Variants in ATP8A2 observed in about 807,000 individuals in gnomAD.
ATP8A2 encodes the protein phospholipid-transporting ATPase IB.
A neutral mutation model predicts 165.6 loss-of-function variants in ATP8A2; 100 were observed. That is an observed-to-expected ratio of 0.60 (90% CI 0.51 to 0.71). ATP8A2 has a LOEUF of 0.71. Among genes scored for constraint, ATP8A2 ranks in the 30% least tolerant of loss-of-function variants. The probability of loss-of-function intolerance (pLI) is 0.00; values close to 1 mark genes in which losing one functional copy is unlikely to be tolerated. For missense variants in ATP8A2, 1,227 were observed against 1,479.5 expected (o/e 0.83, Z 2.80); for synonymous variants, 543 against 548.8 (o/e 0.99, Z 0.15).
intron 2 of ATP8A2, among the ~76,000 whole-genome samples, chr13:25,486,545 AAG>A (rs1026292314): frequency 4.0e-4 from 61 of 152,274 alleles, no homozygotes; most frequent in African/African-American, 1.4e-3. Flanking sequence ...GAAAAAAATG[AAG>A]AGAGTCTGAA....
intron 33 of ATP8A2, among the ~76,000 whole-genome samples, chr13:25,882,950 ATGATGG>A (rs1461205357): frequency 3.3e-5 from 5 of 151,076 alleles, no homozygotes; most frequent in South Asian, 2.1e-4. Context: ...GGTGATGGTG[ATGATGG>A]TGATGGTGAT....
At chr13:25,399,896 T>TATTCTTCTCCTC (rs1555264991) in intron 1 of ATP8A2, among the ~76,000 whole-genome samples, 3 of 37,010 alleles carry the variant, frequency 8.1e-5, no homozygotes, top group African/African-American at 2.5e-4. Flanking sequence ...CTCCTCCTCC[T>TATTCTTCTCCTC]CTTATTCTTC....
At chr13:25,876,845 T>C (rs935898453) in intron 33 of ATP8A2, among the ~76,000 whole-genome samples, 1 of 152,150 alleles carries the variant, frequency 6.6e-6, no homozygotes, top group African/African-American at 2.4e-5. Context: ...AATATTGCAT[T>C]GGGGCATTGT....
At chr13:25,786,802 G>T (rs1270738815) in intron 27 of ATP8A2, among the ~76,000 whole-genome samples, 2 of 147,670 alleles carry the variant, frequency 1.4e-5, no homozygotes, top group African/African-American at 5.0e-5. Context: ...GGTTGCCCAG[G>T]CTGGAGTGCA....
chr13:25,506,304 G>A (rs1461837689), intron 2 of ATP8A2, among the ~76,000 whole-genome samples: 3 of 151,976 alleles, frequency 2.0e-5, no homozygotes, highest in African/African-American at 7.3e-5. Flanking sequence ...TGCTTTTTTT[G>A]TCATGCCTCA....
intron 2 of ATP8A2, among the ~76,000 whole-genome samples, chr13:25,502,368 C>T (rs999833985): frequency 1.3e-5 from 2 of 152,212 alleles, no homozygotes; most frequent in Non-Finnish European, 2.9e-5. Context: ...ATAACCTCAT[C>T]ATCATGTCAT....
At chr13:25,940,114 G>A (rs535168927) in intron 33 of ATP8A2, among the ~76,000 whole-genome samples, 30 of 152,210 alleles carry the variant, frequency 2.0e-4, no homozygotes, top group African/African-American at 7.0e-4. Flanking sequence ...TGGCAGTTGG[G>A]CTCTCCTTTG....
chr13:25,960,525 A>G (rs982977731), intron 33 of ATP8A2, among the ~76,000 whole-genome samples: 1 of 152,104 alleles, frequency 6.6e-6, no homozygotes, highest in African/African-American at 2.4e-5. Flanking sequence ...GGCCTCCAGA[A>G]AAGAAATCCG....
chr13:25,578,233 T>C (rs1274665697), intron 20 of ATP8A2, among the ~76,000 whole-genome samples: 2 of 152,198 alleles, frequency 1.3e-5, no homozygotes, highest in Non-Finnish European at 2.9e-5. Flanking sequence ...AAAAAAATTT[T>C]TGTAATAGCC....
At chr13:25,429,355 C>A (rs1254726166) in intron 1 of ATP8A2, among the ~76,000 whole-genome samples, 5 of 129,010 alleles carry the variant, frequency 3.9e-5, no homozygotes, top group African/African-American at 9.5e-5. Context: ...GGGCCCATAA[C>A]AGTGTGACTC....
intron 35 of ATP8A2, among the ~76,000 whole-genome samples, chr13:25,999,351 C>T (rs1340222283): frequency 1.3e-5 from 2 of 152,164 alleles, no homozygotes; most frequent in African/African-American, 4.8e-5. Flanking sequence ...TGCATCTCAG[C>T]TTTGACCTCT....
chr13:25,619,864 A>C (rs1224782953), intron 24 of ATP8A2, among the ~76,000 whole-genome samples: 1 of 152,192 alleles, frequency 6.6e-6, no homozygotes, highest in Non-Finnish European at 1.5e-5. Flanking sequence ...GACCTTTAAA[A>C]ATGTGAAAAC....
chr13:25,620,156 A>G (rs1025514171), intron 24 of ATP8A2, among the ~76,000 whole-genome samples: 2 of 152,208 alleles, frequency 1.3e-5, no homozygotes, highest in Admixed American at 1.3e-4. Flanking sequence ...CCTAACAAGG[A>G]TCAGTAAATA....
chr13:25,967,954 C>T (rs1457469315), intron 34 of ATP8A2, among the ~76,000 whole-genome samples: 3 of 152,124 alleles, frequency 2.0e-5, no homozygotes, highest in African/African-American at 7.2e-5. Flanking sequence ...CTGAGGCCTG[C>T]GTGTGTGGAC....
At chr13:25,934,585 A>G (rs1349694528) in intron 33 of ATP8A2, among the ~76,000 whole-genome samples, 3 of 152,196 alleles carry the variant, frequency 2.0e-5, no homozygotes, top group Non-Finnish European at 4.4e-5. Flanking sequence ...AGGCCACCAT[A>G]TGTATTAAAT....
intron 24 of ATP8A2, among the ~76,000 whole-genome samples, chr13:25,627,517 GA>G (rs1183669083): frequency 2.6e-5 from 4 of 152,168 alleles, no homozygotes. Context: ...CCTTAGAAGA[GA>G]AACACCTGAT....
chr13:25,995,380 T>A (rs548812531), intron 35 of ATP8A2, among the ~76,000 whole-genome samples: 240 of 151,680 alleles, frequency 1.6e-3, no homozygotes, highest in South Asian at 3.1e-3. Context: ...GCTCTTCTTT[T>A]CTAGTTTCTT....
At chr13:25,671,739 T>G (rs936068722) in intron 24 of ATP8A2, among the ~76,000 whole-genome samples, 1 of 152,186 alleles carries the variant, frequency 6.6e-6, no homozygotes, top group Non-Finnish European at 1.5e-5. Flanking sequence ...TGGCCAAAAC[T>G]TCATTAGCAA....
intron 33 of ATP8A2, among the ~76,000 whole-genome samples, chr13:25,914,629 T>A (rs559669709): frequency 1.1e-4 from 16 of 152,332 alleles, no homozygotes; most frequent in Admixed American, 9.8e-4. Flanking sequence ...CCCTGTCATC[T>A]TCTGCTCAAC....
Sources: allele counts gnomAD v4.1 joint callset (sites outside exome capture counted in the v4.1 genomes callset), GRCh38; gene constraint gnomAD v4.1.1; transcripts MANE v1.5; gene names NCBI Gene and HGNC (gene_info 2026-07-23, HGNC 2026-07-21).